Variants in BRD7 observed in about 807,000 individuals in gnomAD.
BRD7 encodes the protein bromodomain containing 7.
A neutral mutation model predicts 82.1 loss-of-function variants in BRD7; 15 were observed. That is an observed-to-expected ratio of 0.18 (90% CI 0.12 to 0.28). The LOEUF (loss-of-function observed/expected upper bound fraction) is 0.28, where lower values mean the gene tolerates loss of function less well. Ranked by LOEUF, BRD7 falls within the 10% of genes least tolerant of loss-of-function variation. The probability of loss-of-function intolerance (pLI) is 1.00; values close to 1 mark genes in which losing one functional copy is unlikely to be tolerated. For synonymous variants in BRD7, 232 were observed against 266.9 expected (o/e 0.87, Z 1.27); for missense variants, 638 against 779.9 (o/e 0.82, Z 2.17).
intron 11 of BRD7, among the ~76,000 whole-genome samples, chr16:50,325,109 A>G (rs773680089): frequency 1.1e-4 from 16 of 152,358 alleles, no homozygotes; most frequent in Non-Finnish European, 1.8e-4. Context: ...AATATCCAGT[A>G]AACTACTGCC....
At chr16:50,353,648 C>T (rs1374377879) in intron 4 of BRD7, among the ~76,000 whole-genome samples, 2 of 152,024 alleles carry the variant, frequency 1.3e-5, no homozygotes, top group African/African-American at 4.8e-5. Context: ...GGCTGGAGTG[C>T]AGTGGTGCAA....
chr16:50,344,574 G>A (rs1211958747), intron 5 of BRD7, among the ~76,000 whole-genome samples: 1 of 152,204 alleles, frequency 6.6e-6, no homozygotes, highest in Non-Finnish European at 1.5e-5. Flanking sequence ...GACCTTAACT[G>A]ACCTGATGGA....
intron 5 of BRD7, chr16:50,349,476 C>T (rs756451930): frequency 2.8e-4 from 127 of 461,092 alleles, no homozygotes; most frequent in Admixed American, 1.4e-3. Context: ...TCTCCTGCTG[C>T]CATGTGAAGA....
intron 9 of BRD7, among the ~76,000 whole-genome samples, chr16:50,327,830 G>C (rs1056769801): frequency 1.1e-4 from 17 of 152,144 alleles, no homozygotes; most frequent in Non-Finnish European, 2.4e-4. Flanking sequence ...CGACTCCATA[G>C]AACAAGGAAA....
intron 4 of BRD7, among the ~76,000 whole-genome samples, chr16:50,351,832 TTGTATGTA>T (rs374839523): frequency 1.7e-4 from 26 of 152,044 alleles, no homozygotes; most frequent in East Asian, 9.7e-4. Flanking sequence ...CGGTGTATCC[TTGTATGTA>T]TGTATGTATG....
chr16:50,351,739 C>T (rs962252193), intron 4 of BRD7, among the ~76,000 whole-genome samples: 2 of 152,056 alleles, frequency 1.3e-5, no homozygotes, highest in Non-Finnish European at 2.9e-5. Context: ...TTCTAATTGA[C>T]ATATAATAAT....
intron 9 of BRD7, among the ~76,000 whole-genome samples, chr16:50,328,227 G>A (rs1394588985): frequency 6.6e-6 from 1 of 152,106 alleles, no homozygotes; most frequent in East Asian, 1.9e-4. Flanking sequence ...TGAAAGATAC[G>A]ATGTCACTAA....
At chr16:50,365,389 A>T (rs2039103133) in intron 2 of BRD7, among the ~76,000 whole-genome samples, 1 of 152,222 alleles carries the variant, frequency 6.6e-6, no homozygotes, top group South Asian at 2.1e-4. Context: ...GTCACTCTAC[A>T]ATAAAGTCCA....
intron 5 of BRD7, among the ~76,000 whole-genome samples, chr16:50,344,391 G>C (rs914246399): frequency 2.0e-4 from 30 of 152,272 alleles, no homozygotes; most frequent in African/African-American, 6.7e-4. Flanking sequence ...GCCAGCAACG[G>C]AACAAAGCTG....
rs188613986 is a variant in BRD7 at position 50,316,567 on chromosome 16, G to A, written c.*2644C>T. 6.6e-6 allele frequency: 1 copy of A among 152,410 alleles called. No homozygotes were observed. The highest frequency in any genetic ancestry group is 1.9e-4 in the East Asian group (1 of 5,324). The allele number at this position is 152,410 out of a possible 1,614,324, so 9.4% of individuals were successfully genotyped here. On this transcript the variant is annotated 3_prime_UTR_variant, in exon 17 of 17. Coordinates refer to ENST00000394688, the MANE Select transcript of BRD7 (RefSeq NM_013263.5). ...ACTCTGGAGAGCTTCAAAACTAGAAGGATCTACTCCGCATGGGTGCATGCA... is the reference window on the plus strand; with the variant it reads ...ACTCTGGAGAGCTTCAAAACTAGAAAGATCTACTCCGCATGGGTGCATGCA...
chr16:50,355,373 C>A (rs1364203314), intron 2 of BRD7, among the ~76,000 whole-genome samples: 1 of 152,142 alleles, frequency 6.6e-6, no homozygotes, highest in African/African-American at 2.4e-5. Context: ...TTCAACAAGC[C>A]AATTGCATTA....
intron 2 of BRD7, among the ~76,000 whole-genome samples, chr16:50,360,385 A>C (rs929515044): frequency 2.0e-5 from 3 of 152,238 alleles, no homozygotes; most frequent in Non-Finnish European, 4.4e-5. Flanking sequence ...TCCAATATGC[A>C]AAACAATGTA....
In BRD7 at chr16:50,338,391, A is replaced by G. The variant is rs73581675; in HGVS notation, c.702+1585T>C. Among the ~76,000 whole-genome samples, 258 of 152,360 alleles carry G rather than the reference A, an allele frequency of 1.7e-3. 1 individual carries two copies. Among genetic ancestry groups the G allele is most frequent in the African/African-American group, 6.0e-3 (249 of 41,582 alleles). On this transcript the variant is annotated intron_variant, in intron 6 of 16. Transcript: ENST00000394688. The stretch of plus-strand genomic sequence containing the variant: ...AAACATGTTTTTCTTTCTCTAGTTA[A>G]GTGAATCCAAGAATCTCTCAGCCAA...
chr16:50,330,259 C>T lies in BRD7; in HGVS notation c.1012-1515G>A, dbSNP rs539577012. Among the ~76,000 whole-genome samples the T allele has an allele frequency of 9.9e-5, 15 of 151,864 alleles. No homozygotes were observed. The South Asian group carries it at 2.9e-3, about 29-fold the overall frequency. ...TTAGGCCCTAAAAACTGCATGCTTT[C>T]TTGGCCCTGTTCCTTAAAGGGCTCC... On this transcript the variant is annotated intron_variant, in intron 8 of 16. Transcript: ENST00000394688.
At chr16:50,368,396 C>T in intron 1 of BRD7, 98 bp from the exon 2 acceptor site, 6 of 1,336,072 alleles carry the variant, frequency 4.5e-6, no homozygotes, top group Middle Eastern at 2.3e-4. Context: ...GCAGCAAGCC[C>T]GAGGCGGCTT....
chr16:50,333,621 C>T lies in BRD7; in HGVS notation c.964G>A (p.Val322Met), dbSNP rs749128460. The T allele has an allele frequency of 7.4e-6, 12 of 1,611,850 alleles. No individual in the cohort carries two copies. The highest frequency in any genetic ancestry group is 2.2e-5 in the East Asian group (1 of 44,884). Residue 322 changes from valine (V) to methionine (M), a missense_variant, in exon 8 of 17, where the codon GTG becomes ATG. Physicochemically the swap from Val to Met is conservative, Grantham distance 21. This residue lies in a region of BRD7 where 402 missense variants were observed against 500.8 expected (regional missense o/e 0.80). Transcript: ENST00000394688. ...GTCAGCTTTCCTCCAGATTCCTTCACGATGCGGTCAAGCTGCTCCTGCTCT... is the reference window on the plus strand; with the variant it reads ...GTCAGCTTTCCTCCAGATTCCTTCATGATGCGGTCAAGCTGCTCCTGCTCT... Reference protein sequence around the residue: ...EREQEQLDRIVKESGGKLTRR... With the variant: ...EREQEQLDRIMKESGGKLTRR...
intron 13 of BRD7, 105 bp downstream of exon 13, chr16:50,321,877 T>G: frequency 9.6e-7 from 1 of 1,044,686 alleles, no homozygotes; most frequent in Non-Finnish European, 1.4e-6. Flanking sequence ...CTCTACTCAC[T>G]AACCTTTTTC....
intron 11 of BRD7, among the ~76,000 whole-genome samples, chr16:50,325,409 C>G (rs970610800): frequency 6.6e-6 from 1 of 152,168 alleles, no homozygotes; most frequent in Non-Finnish European, 1.5e-5. Context: ...AAGTTTGGAC[C>G]ATAACTCACT....
At chr16:50,324,954 A>G (rs1049587959) in intron 11 of BRD7, among the ~76,000 whole-genome samples, 1 of 152,256 alleles carries the variant, frequency 6.6e-6, no homozygotes, top group Non-Finnish European at 1.5e-5. Flanking sequence ...TCTACCTTGT[A>G]AAAACAACAA....
Sources: gnomAD v4.1 joint callset for allele counts (sites outside exome capture counted in the v4.1 genomes callset) on GRCh38, gnomAD v4.1.1 for gene constraint, gnomAD v4.1.1 regional missense constraint, MANE v1.5 for transcripts, NCBI Gene and HGNC (gene_info 2026-07-23, HGNC 2026-07-21) for gene names.